Variants in SULT2B1 observed in about 807,000 individuals in gnomAD.
The protein encoded by SULT2B1 is sulfotransferase family 2B member 1.
SULT2B1 carries 16 observed loss-of-function variants against 33.2 expected under a neutral mutation model. That is an observed-to-expected ratio of 0.48 (90% CI 0.33 to 0.73). The LOEUF (loss-of-function observed/expected upper bound fraction) is 0.73, where lower values mean the gene tolerates loss of function less well. Ranked by LOEUF, SULT2B1 falls within the 30% of genes least tolerant of loss-of-function variation. SULT2B1 has a pLI of 0.02. For missense variants in SULT2B1, 500 were observed against 506.0 expected, an observed-to-expected ratio of 0.99 and a Z score of 0.11; for synonymous variants, 186 against 200.5, an observed-to-expected ratio of 0.93 and a Z score of 0.61.
chr19:48,559,187 G>T (rs909231318), intron 1 of SULT2B1, among the ~76,000 whole-genome samples: 5 of 152,080 alleles, frequency 3.3e-5, no homozygotes, highest in African/African-American at 1.2e-4. Flanking sequence ...AGCCCCTGAC[G>T]AGGGACTCAG....
rs574782942 is a variant in SULT2B1 at position 48,565,739 on chromosome 19, C to T, written c.72-10202C>T. 3.3e-5 allele frequency among the ~76,000 whole-genome samples: 5 copies of T among 150,956 alleles called. No homozygotes were observed. The South Asian group carries it at 1.0e-3, about 31-fold the overall frequency. On this transcript the variant is annotated intron_variant, in intron 1 of 6. Coordinates refer to ENST00000201586, the MANE Select transcript of SULT2B1 (RefSeq NM_177973.2). ...TTTACCTACAGTAAACCACACAAAT[C>T]TAAAGTGTGCTAGTTTTTTGTTTGT...
chr19:48,599,402 C>T lies in SULT2B1; in HGVS notation c.1094C>T (p.Ser365Leu), dbSNP rs1019904675. ...TCTGAGACCCCGCACCCACGACCCT[C>T]ATAATAAACACGTCGATTCTGTCCA... ...QASETPHPRP[S>L] Residue 365 changes from serine to leucine, a missense_variant, in exon 7 of 7, where the codon TCA becomes TTA. By Grantham distance (145) the Ser-to-Leu change is moderately radical. Transcript: ENST00000201586. The surrounding 1 kb of genome is among the most constrained non-coding windows in gnomAD (Gnocchi z 4.1). 22 of 1,551,916 alleles carry T rather than the reference C, an allele frequency of 1.4e-5. No individual in the cohort carries two copies. The highest frequency in any genetic ancestry group is 5.9e-5 in the Admixed American group (3 of 51,012).
At chr19:48,566,061 C>T (rs56268756) in intron 1 of SULT2B1, among the ~76,000 whole-genome samples, 19,888 of 151,802 alleles carry the variant, frequency 0.13, 1,416 homozygotes, top group African/African-American at 0.16. Context: ...TACAGGCGCA[C>T]ACCACCACAC....
At chr19:48,590,391 C>T (rs1032969325) in intron 3 of SULT2B1, among the ~76,000 whole-genome samples, 2 of 151,878 alleles carry the variant, frequency 1.3e-5, no homozygotes, top group Admixed American at 6.6e-5. Context: ...CACTTGAGGC[C>T]GGGAGTTTGA....
intron 2 of SULT2B1, among the ~76,000 whole-genome samples, chr19:48,579,989 T>A (rs1973465145): frequency 6.6e-6 from 1 of 151,948 alleles, no homozygotes; most frequent in African/African-American, 2.4e-5. Flanking sequence ...AGTGGTGCAG[T>A]CTCAGCTCAC....
At chr19:48,598,577 C>A (rs1973754099) in intron 6 of SULT2B1, among the ~76,000 whole-genome samples, 1 of 152,166 alleles carries the variant, frequency 6.6e-6, no homozygotes, top group South Asian at 2.1e-4. Flanking sequence ...GAGCGAGACT[C>A]CATCTCAAAA....
chr19:48,597,983 AG>A (rs1180053436), intron 6 of SULT2B1, among the ~76,000 whole-genome samples: 3 of 152,028 alleles, frequency 2.0e-5, no homozygotes. Flanking sequence ...ATAGGGACCC[AG>A]GTGATGACAC....
chr19:48,591,992 A>C (rs902681253), intron 4 of SULT2B1, among the ~76,000 whole-genome samples: 8 of 151,810 alleles, frequency 5.3e-5, no homozygotes, highest in African/African-American at 1.9e-4. Flanking sequence ...ACTGAGAGAG[A>C]GGGCAACAAA....
At chr19:48,553,517 C>T (rs11880293) in intron 1 of SULT2B1, among the ~76,000 whole-genome samples, 4,322 of 152,136 alleles carry the variant, frequency 0.028, 239 homozygotes, top group African/African-American at 0.099. Flanking sequence ...TTCACCATGT[C>T]GGCCAGGCTG....
At position 48,599,147 on chromosome 19, in the gene SULT2B1, A is replaced by G; in HGVS notation, c.839A>G (p.Asp280Gly). ...GAFLRKGVCG[D>G]WKNHFTVAQS... ...CCCTCTTCTCCAGGGGTCTGCGGCG[A>G]CTGGAAGAACCACTTCACGGTGGCC... The change falls in exon 7 of 7, where the codon GAC (aspartate) becomes GGC (glycine). Residue 280 changes from aspartate (D) to glycine (G), a missense_variant. Asp to Gly is a moderately conservative substitution (Grantham distance 94). Transcript: ENST00000201586. This position sits in a 1 kb window ranked among gnomAD's most constrained non-coding sequence, Gnocchi z 4.1. 1 of 1,585,732 alleles carries G rather than the reference A, an allele frequency of 6.3e-7. No homozygotes were observed. Among genetic ancestry groups the G allele is most frequent in the Non-Finnish European group, 8.5e-7 (1 of 1,169,910 alleles).
chr19:48,580,241 A>G (rs1262006588), intron 2 of SULT2B1, among the ~76,000 whole-genome samples: 2 of 151,210 alleles, frequency 1.3e-5, no homozygotes, highest in African/African-American at 4.9e-5. Flanking sequence ...CCTGCACACA[A>G]GTTCTTACGT....
intron 1 of SULT2B1, among the ~76,000 whole-genome samples, chr19:48,569,351 A>G (rs146586362): frequency 0.57 from 53,686 of 94,200 alleles, 12,986 homozygotes; most frequent in African/African-American, 0.69. Flanking sequence ...CAAAAAAAAA[A>G]AAAAAAAAAA....
intron 6 of SULT2B1, among the ~76,000 whole-genome samples, chr19:48,597,178 CGAGA>C (rs1973730189): frequency 6.6e-6 from 1 of 152,014 alleles, no homozygotes; most frequent in Non-Finnish European, 1.5e-5. Context: ...CAGGTTTACC[CGAGA>C]GAGATTTAGA....
intron 2 of SULT2B1, among the ~76,000 whole-genome samples, chr19:48,582,812 C>T (rs1973510380): frequency 6.6e-6 from 1 of 151,616 alleles, no homozygotes. Flanking sequence ...CAATGCACTC[C>T]AGTCTGGGCA....
At chr19:48,593,603 A>AG (rs1405259072) in intron 5 of SULT2B1, among the ~76,000 whole-genome samples, 1 of 151,820 alleles carries the variant, frequency 6.6e-6, no homozygotes, top group Non-Finnish European at 1.5e-5. Context: ...GCATTCAACC[A>AG]GTTTTTATTT....
intron 5 of SULT2B1, 46 bp from the exon 6 acceptor site, chr19:48,596,693 T>A: frequency 6.6e-7 from 1 of 1,526,366 alleles, no homozygotes; most frequent in Non-Finnish European, 8.8e-7. Flanking sequence ...CGCTCCTTCC[T>A]TGGCCGAGTG....
At chr19:48,591,306 A>C (rs1973639703) in intron 3 of SULT2B1, 2 of 239,856 alleles carry the variant, frequency 8.3e-6, no homozygotes, top group Admixed American at 1.0e-4. Flanking sequence ...CCCCATCTCT[A>C]CTAAACATAC....
intron 1 of SULT2B1, chr19:48,575,710 A>T (rs1470118789): frequency 5.2e-6 from 3 of 575,790 alleles, no homozygotes; most frequent in Non-Finnish European, 8.0e-6. Flanking sequence ...CAAACTCCTG[A>T]CCTCAGGTGA....
intron 1 of SULT2B1, among the ~76,000 whole-genome samples, chr19:48,565,355 T>C (rs3909295): frequency 0.52 from 77,907 of 151,266 alleles, 20,775 homozygotes; most frequent in African/African-American, 0.66. Flanking sequence ...TGTGTGTTTG[T>C]GTGTATGTGT....
Sources: allele counts gnomAD v4.1 joint callset (sites outside exome capture counted in the v4.1 genomes callset), GRCh38; gene constraint gnomAD v4.1.1; non-coding constraint Gnocchi (gnomAD v3.1); transcripts MANE v1.5; gene names NCBI Gene and HGNC (gene_info 2026-07-23, HGNC 2026-07-21).